The following ZER1 variants were observed in gnomAD, a reference collection of about 807,000 sequenced individuals.
ZER1 encodes the protein zyg-11 related cell cycle regulator, also known as protein zer-1 homolog.
Under a neutral mutation model 78.8 loss-of-function variants are expected in ZER1, and 11 were observed. That is an observed-to-expected ratio of 0.14 (90% confidence interval 0.09 to 0.23). The LOEUF is 0.23. Among genes scored for constraint, ZER1 ranks in the 10% least tolerant of loss-of-function variants. ZER1 has a pLI of 1.00. For synonymous variants in ZER1, 400 were observed against 407.0 expected (o/e 0.98, Z 0.21); for missense variants, 588 against 996.9 (o/e 0.59, Z 5.52).
At position 128,750,543 on chromosome 9, in the gene ZER1, C is replaced by A. The variant is rs950041461; in HGVS notation, c.1359+73G>T. ...GATGCAGCCCAGAGCCGGGGGAGCC[C>A]TAGCGGGACGCAAGAAGCAGGAAAG... On this transcript the variant is annotated intron_variant, in intron 8 of 15. Coordinates refer to ENST00000291900, the MANE Select transcript of ZER1 (RefSeq NM_006336.4). 1.7e-5 allele frequency: 27 copies of A among 1,557,302 alleles called. No individual in the cohort carries two copies. The African/African-American group carries it at 3.5e-4, about 20-fold the overall frequency.
At chr9:128,757,726 G>A (rs981438568) in intron 1 of ZER1, among the ~76,000 whole-genome samples, 3 of 152,174 alleles carry the variant, frequency 2.0e-5, no homozygotes, top group African/African-American at 7.2e-5. Flanking sequence ...ACCTGGCATT[G>A]GGGAAGACGG....
intron 13 of ZER1, 106 bp from the exon 14 acceptor site, chr9:128,735,537 T>A (rs1015625329): frequency 9.1e-7 from 1 of 1,093,084 alleles, no homozygotes; most frequent in Non-Finnish European, 1.3e-6. Context: ...CCAACCATGA[T>A]AGGCTGGCAG....
At position 128,753,710 on chromosome 9, in the gene ZER1, G is replaced by A. The variant is rs1589535237; in HGVS notation, c.309+99C>T. ...GGAAAGGGGGATGTGCACAGTCACGGTGCACACTGGCTGGGCTGGGGATGG... is the reference window on the plus strand; with the variant it reads ...GGAAAGGGGGATGTGCACAGTCACGATGCACACTGGCTGGGCTGGGGATGG... On this transcript the variant is annotated intron_variant, in intron 3 of 15. Coordinates refer to ENST00000291900, the MANE Select transcript of ZER1 (RefSeq NM_006336.4). The surrounding 1 kb of genome is among the most constrained non-coding windows in gnomAD (Gnocchi z 7.5). 1.3e-6 allele frequency: 2 copies of A among 1,562,516 alleles called. No individual in the cohort carries two copies. The highest frequency in any genetic ancestry group is 4.5e-5 in the East Asian group (2 of 43,996).
chr9:128,734,144 A>ATATATATATATATATATATATATATATAT (rs1554784814), intron 14 of ZER1, among the ~76,000 whole-genome samples: 2 of 14,440 alleles, frequency 1.4e-4, no homozygotes, highest in African/African-American at 3.7e-4. Flanking sequence ...AAAAAAAAAA[A>ATATATATATATATATATATATATATATAT]ATATATATAT....
Position 128,751,575 on chromosome 9 carries a change from G to A in ZER1, c.924-48C>T. On this transcript the variant is annotated intron_variant, in intron 5 of 15. Transcript: ENST00000291900. The surrounding 1 kb of genome is among the most constrained non-coding windows in gnomAD (Gnocchi z 5.4). Reference sequence around the variant, plus strand: ...TCAGTGGCTTGGGACCCAGGCCTGAGCTGGGCCTCCCCACTGGGGGTGGTG... The same window carrying A: ...TCAGTGGCTTGGGACCCAGGCCTGAACTGGGCCTCCCCACTGGGGGTGGTG... 1 of 1,544,380 alleles carries A rather than the reference G, an allele frequency of 6.5e-7. No individual in the cohort carries two copies. Among genetic ancestry groups the A allele is most frequent in the South Asian group, 1.1e-5 (1 of 89,730 alleles).
rs554785656 is a variant in ZER1, at chr9:128,733,619, T to G, written c.2141-91A>C. 8.5e-5 allele frequency: 101 copies of G among 1,194,198 alleles called. No individual in the cohort carries two copies. In the African/African-American group the frequency reaches 1.4e-3, roughly 16 times the overall value. 74.0% of individuals were successfully genotyped at this position (1,194,198 alleles called of 1,614,324 possible). On this transcript the variant is annotated intron_variant, in intron 14 of 15. Transcript: ENST00000291900. ...CCCACCCTGTCTGTGAGGACTATCC[T>G]GGTGTCGGGGGTGTGAAGGCACAGC...
chr9:128,755,594 G>A lies in ZER1; in HGVS notation c.-29C>T, dbSNP rs1863834240. 2 of 1,596,192 alleles carry A rather than the reference G, an allele frequency of 1.3e-6. No individual in the cohort carries two copies. The highest frequency in any genetic ancestry group is 2.7e-5 in the African/African-American group (2 of 74,598). On this transcript the variant is annotated 5_prime_UTR_variant, in exon 2 of 16. Transcript: ENST00000291900. The surrounding 1 kb of genome is among the most constrained non-coding windows in gnomAD (Gnocchi z 5.6). ...GGGGGCAAGCAGGTGGGCCACTCCA[G>A]GACAAGGATCCCCAGGGGCAACAGT...
rs554239532 is a variant in ZER1, at chr9:128,740,304, G to A, written c.1854-185C>T. The stretch of plus-strand genomic sequence containing the variant: ...CATTTAAGATATAATTACAGGCTGG[G>A]CGCAGTGGCTCACGCCTGTAATCCC... On this transcript the variant is annotated intron_variant, in intron 12 of 15. Transcript: ENST00000291900. The surrounding 1 kb of genome is among the most constrained non-coding windows in gnomAD (Gnocchi z 4.4). Among the ~76,000 whole-genome samples the A allele has an allele frequency of 9.8e-5, 15 of 152,306 alleles. No homozygotes were observed. Among genetic ancestry groups the A allele is most frequent in the African/African-American group, 3.6e-4 (15 of 41,566 alleles).
At position 128,751,067 on chromosome 9, in the gene ZER1, G is replaced by T; in HGVS notation, c.1185+55C>A. The T allele has an allele frequency of 6.5e-7, 1 of 1,535,498 alleles. No individual in the cohort carries two copies. Among genetic ancestry groups the T allele is most frequent in the South Asian group, 1.2e-5 (1 of 80,450 alleles). On this transcript the variant is annotated intron_variant, in intron 7 of 15. Transcript: ENST00000291900. This position sits in a 1 kb window ranked among gnomAD's most constrained non-coding sequence, Gnocchi z 5.4. ...CTGGGGACACGGCTCAGCCAAGCCC[G>T]GCAACCTCCAGGTGGGGAGGGACAG...
rs113122351 is a variant in ZER1 at position 128,736,417 on chromosome 9, G to A, written c.2043-986C>T. Among the ~76,000 whole-genome samples, 13 of 140,526 alleles carry A rather than the reference G, an allele frequency of 9.3e-5. 1 individual carries two copies. In the South Asian group the frequency reaches 1.1e-3, roughly 12 times the overall value. 92.2% of individuals were successfully genotyped at this position (140,526 alleles called of 152,430 possible). A position where few individuals can be genotyped will look rare whatever the true frequency, so the allele number is the denominator to read the frequency against. On this transcript the variant is annotated intron_variant, in intron 13 of 15. Transcript: ENST00000291900. The stretch of plus-strand genomic sequence containing the variant: ...TCTTTGTTTTTTTTTTTTTTGAGAC[G>A]GAGTCTCACTCTGTCGCCCAGGCTG...
intron 1 of ZER1, among the ~76,000 whole-genome samples, chr9:128,766,845 CA>C (rs1176953959): frequency 1.6e-3 from 81 of 49,648 alleles, no homozygotes; most frequent in African/African-American, 5.0e-3. Flanking sequence ...GATTCCGTCT[CA>C]AAAAAAAAAA....
chr9:128,737,665 C>G (rs1283338595), intron 13 of ZER1, among the ~76,000 whole-genome samples: 1 of 152,152 alleles, frequency 6.6e-6, no homozygotes, highest in East Asian at 1.9e-4. Flanking sequence ...CAGGAGTTCT[C>G]TTTCAGGGAG....
intron 1 of ZER1, among the ~76,000 whole-genome samples, chr9:128,766,899 C>T (rs1310398798): frequency 2.1e-5 from 3 of 146,120 alleles, no homozygotes; most frequent in South Asian, 4.3e-4. Context: ...CCAAGCAGTT[C>T]GCATCAAAGT....
intron 1 of ZER1, among the ~76,000 whole-genome samples, chr9:128,762,225 G>A (rs1864074434): frequency 6.6e-6 from 1 of 151,928 alleles, no homozygotes. Context: ...GGACACCCCT[G>A]ACTTAGAGGG....
rs1234229033 is a variant in ZER1, at chr9:128,753,007, C to G, written c.746+157G>C. On this transcript the variant is annotated intron_variant, in intron 4 of 15. Coordinates refer to ENST00000291900, the MANE Select transcript of ZER1 (RefSeq NM_006336.4). This position sits in a 1 kb window ranked among gnomAD's most constrained non-coding sequence, Gnocchi z 7.5. ...GAAACCCCAAACAGCCCCAATCCAGCTGAAACACTGGGTTTAAGGAATGGG... is the reference window on the plus strand; with the variant it reads ...GAAACCCCAAACAGCCCCAATCCAGGTGAAACACTGGGTTTAAGGAATGGG... Among the ~76,000 whole-genome samples the G allele has an allele frequency of 6.6e-6, 1 of 152,204 alleles. No individual in the cohort carries two copies. Among genetic ancestry groups the G allele is most frequent in the African/African-American group, 2.4e-5 (1 of 41,448 alleles).
Position 128,753,793 on chromosome 9 carries a change from G to T in ZER1, c.309+16C>A. On this transcript the variant is annotated intron_variant, in intron 3 of 15. Coordinates refer to ENST00000291900, the MANE Select transcript of ZER1 (RefSeq NM_006336.4). This position sits in a 1 kb window ranked among gnomAD's most constrained non-coding sequence, Gnocchi z 7.5. ...TGGTGTGGGCCCTCCTGGCGCTGTG[G>T]CGGGGCAGGTCTCACCTGCTTGCGG... 6.5e-7 allele frequency: 1 copy of T among 1,549,598 alleles called. No homozygotes were observed. The highest frequency in any genetic ancestry group is 1.3e-5 in the African/African-American group (1 of 74,618).
In ZER1 at chr9:128,740,018, C is replaced by G. The variant is rs1564394279; in HGVS notation, c.1955G>C (p.Cys652Ser). The G allele has an allele frequency of 1.2e-6, 2 of 1,614,112 alleles. No individual in the cohort carries two copies. The highest frequency in any genetic ancestry group is 4.5e-5 in the East Asian group (2 of 44,870). Residue 652 changes from cysteine to serine, a missense_variant, in exon 13 of 16, where the codon TGT (cysteine) becomes TCT (serine). By Grantham distance (112) the Cys-to-Ser change is moderately radical. Around this residue, in one of 3 missense-constraint regions of ZER1, gnomAD observed 122 missense variants for 173.5 expected, o/e 0.70. Transcript: ENST00000291900. The surrounding 1 kb of genome is among the most constrained non-coding windows in gnomAD (Gnocchi z 4.4). ...MFDGPEAWGVCEPQREEVEER... is the reference protein window; with the variant it reads ...MFDGPEAWGVSEPQREEVEER... ...CTCCACCTCCTCACGCTGGGGCTCA[C>G]AGACGCCCCAGGCCTCGGGTCCATC...
Position 128,751,530 on chromosome 9 carries a change from G to T in ZER1, c.924-3C>A. 3 of 1,611,780 alleles carry T rather than the reference G, an allele frequency of 1.9e-6. No individual in the cohort carries two copies. Among genetic ancestry groups the T allele is most frequent in the Non-Finnish European group, 8.5e-7 (1 of 1,179,758 alleles). Reference sequence around the variant, plus strand: ...TGCTGCTCTTGGAAGGCTCAATGCTGGGGAAAGAGGGTGCCGGTGTCAGTG... The same window carrying T: ...TGCTGCTCTTGGAAGGCTCAATGCTTGGGAAAGAGGGTGCCGGTGTCAGTG... On this transcript the variant is annotated splice_region_variant and splice_polypyrimidine_tract_variant and intron_variant, in intron 5 of 15. Transcript: ENST00000291900. The surrounding 1 kb of genome is among the most constrained non-coding windows in gnomAD (Gnocchi z 5.4).
intron 13 of ZER1, 45 bp from the exon 14 acceptor site, chr9:128,735,476 G>T: frequency 6.4e-7 from 1 of 1,570,438 alleles, no homozygotes; most frequent in Non-Finnish European, 8.7e-7. Context: ...TGAGGGTGGG[G>T]AGTGTGTCTT....
Sources: allele counts gnomAD v4.1 joint callset (sites outside exome capture counted in the v4.1 genomes callset), GRCh38; gene constraint gnomAD v4.1.1; regional missense constraint gnomAD v4.1.1; non-coding constraint Gnocchi (gnomAD v3.1); transcripts MANE v1.5; gene names NCBI Gene and HGNC (gene_info 2026-07-23, HGNC 2026-07-21).